The following USH1C variants were observed in gnomAD, a reference collection of about 807,000 sequenced individuals.
The protein encoded by USH1C is harmonin.
In USH1C, 90 loss-of-function variants were observed where a neutral mutation model predicts 119.3. The observed-to-expected ratio is 0.75, with a 90% CI of 0.64 to 0.90. The LOEUF is 0.90. Among genes scored for constraint, USH1C ranks in the 40% least tolerant of loss-of-function variants. The probability of loss-of-function intolerance (pLI) is 0.00; values close to 1 mark genes in which losing one functional copy is unlikely to be tolerated. For missense variants in USH1C, 1,165 were observed against 1,167.7 expected, an observed-to-expected ratio of 1.00 and a Z score of 0.03; for synonymous variants, 465 against 443.3, an observed-to-expected ratio of 1.05 and a Z score of -0.62.
intron 26 of USH1C, 93 bp from the exon 27 acceptor site, chr11:17,494,469 A>C (rs1379772164): frequency 1.4e-6 from 2 of 1,426,090 alleles, no homozygotes; most frequent in African/African-American, 2.8e-5. Context: ...GGGAGTACCC[A>C]CTCTGGCAGC....
intron 23 of USH1C, 132 bp downstream of exon 23, chr11:17,500,919 A>AT: frequency 1.3e-6 from 1 of 770,604 alleles, no homozygotes; most frequent in Non-Finnish European, 2.2e-6. Context: ...AGTCGGATGG[A>AT]TGGACCCGAG....
chr11:17,499,645 G>T (rs547972412), intron 23 of USH1C, among the ~76,000 whole-genome samples: 1 of 152,340 alleles, frequency 6.6e-6, no homozygotes, highest in Non-Finnish European at 1.5e-5. Flanking sequence ...GCACTGATGG[G>T]CTGGGGCAGC....
intron 8 of USH1C, among the ~76,000 whole-genome samples, chr11:17,525,897 C>A (rs1850645476): frequency 6.6e-6 from 1 of 152,184 alleles, no homozygotes; most frequent in South Asian, 2.1e-4. Flanking sequence ...GGAAATCAGG[C>A]ACCAAGAAGT....
rs78652734 is a variant in USH1C, at chr11:17,542,003, A to G, written c.36+2269T>C. Reference sequence around the variant, plus strand: ...CTGCTAACTCCAGATAATAATCAACATGGACATTTCTTGAGAGCTCCCTAA... The same window carrying G: ...CTGCTAACTCCAGATAATAATCAACGTGGACATTTCTTGAGAGCTCCCTAA... On this transcript the variant is annotated intron_variant, in intron 1 of 26. Coordinates refer to ENST00000005226, the MANE Select transcript of USH1C (RefSeq NM_153676.4). Among the ~76,000 whole-genome samples the G allele has an allele frequency of 5.3e-3, 811 of 152,242 alleles. 8 individuals are homozygous for G. The highest frequency in any genetic ancestry group is 0.018 in the African/African-American group (747 of 41,548).
Position 17,510,671 on chromosome 11 carries a change from C to A in USH1C, c.1414-150G>T, listed in dbSNP as rs1849849933. The A allele has an allele frequency of 4.3e-6, 3 of 702,690 alleles. No individual in the cohort carries two copies. In the South Asian group the frequency reaches 4.6e-5, roughly 11 times the overall value. The allele number at this position is 702,690 out of a possible 1,614,324, so 43.5% of individuals were successfully genotyped here. The stretch of plus-strand genomic sequence containing the variant: ...AGAAAGAGACCTGGGCTTGTTCCAA[C>A]TGGCCCTCAAGGAGGCAGCAGCAAG... On this transcript the variant is annotated intron_variant, in intron 16 of 26. Coordinates refer to ENST00000005226, the MANE Select transcript of USH1C (RefSeq NM_153676.4).
intron 1 of USH1C, among the ~76,000 whole-genome samples, chr11:17,543,099 T>A (rs1359016674): frequency 1.3e-5 from 2 of 152,182 alleles, no homozygotes; most frequent in African/African-American, 2.4e-5. Flanking sequence ...ACAGACTGGG[T>A]ATGGCTGAGA....
At position 17,496,818 on chromosome 11, in the gene USH1C, G is replaced by A. The variant is rs778639497; in HGVS notation, c.2491-5C>T. On this transcript the variant is annotated splice_region_variant and splice_polypyrimidine_tract_variant and intron_variant, in intron 24 of 26. Coordinates refer to ENST00000005226, the MANE Select transcript of USH1C (RefSeq NM_153676.4). The stretch of plus-strand genomic sequence containing the variant: ...AACCACAAGGTCGATCCAGTCCTGT[G>A]GGGAGAAGCCGTGTGACTCTGGGGC... 1 of 1,614,016 alleles carries A rather than the reference G, an allele frequency of 6.2e-7. No homozygotes were observed. The highest frequency in any genetic ancestry group is 1.3e-5 in the African/African-American group (1 of 74,938).
At chr11:17,511,524 G>A (rs1337852923) in intron 16 of USH1C, among the ~76,000 whole-genome samples, 1 of 152,140 alleles carries the variant, frequency 6.6e-6, no homozygotes, top group African/African-American at 2.4e-5. Flanking sequence ...CTCTGGTGGG[G>A]TAGAGTGAAG....
intron 14 of USH1C, among the ~76,000 whole-genome samples, chr11:17,519,925 C>G (rs1850338626): frequency 6.6e-6 from 1 of 152,142 alleles, no homozygotes. Context: ...CAGACCCCAT[C>G]ACAACATGCC....
At chr11:17,504,296 C>T (rs896898976) in intron 20 of USH1C, among the ~76,000 whole-genome samples, 1 of 152,190 alleles carries the variant, frequency 6.6e-6, no homozygotes, top group African/African-American at 2.4e-5. Flanking sequence ...CAGCCCCTTC[C>T]CTCTCTCCTA....
At chr11:17,528,883 C>G (rs1850833924) in intron 4 of USH1C, among the ~76,000 whole-genome samples, 1 of 152,228 alleles carries the variant, frequency 6.6e-6, no homozygotes, top group Non-Finnish European at 1.5e-5. Flanking sequence ...CTCCTTCCAC[C>G]TATTTTTCAC....
In USH1C at chr11:17,494,164, G is replaced by T; in HGVS notation, c.*168C>A. On this transcript the variant is annotated 3_prime_UTR_variant, in exon 27 of 27. Coordinates refer to ENST00000005226, the MANE Select transcript of USH1C (RefSeq NM_153676.4). ...CCTCCACGTTGGCCTTCAGAAGAGT[G>T]GCCCGAGCTGTTCCTTATCTGGCCC... 2.5e-6 allele frequency: 2 copies of T among 811,638 alleles called. No homozygotes were observed. The highest frequency in any genetic ancestry group is 1.5e-5 in the South Asian group (1 of 66,018). 50.3% of individuals were successfully genotyped at this position (811,638 alleles called of 1,614,324 possible). A position where few individuals can be genotyped will look rare whatever the true frequency, so the allele number is the denominator to read the frequency against.
chr11:17,507,627 A>T (rs896511679), intron 18 of USH1C, among the ~76,000 whole-genome samples: 3 of 152,192 alleles, frequency 2.0e-5, no homozygotes, highest in African/African-American at 7.2e-5. Flanking sequence ...AACTTATTTG[A>T]TTCGAATAGG....
chr11:17,509,652 G>A lies in USH1C; in HGVS notation c.1717C>T (p.Pro573Ser). The A allele has an allele frequency of 6.3e-7, 1 of 1,593,464 alleles. No homozygotes were observed. Among genetic ancestry groups the A allele is most frequent in the Middle Eastern group, 1.7e-4 (1 of 6,022 alleles). ...VMPHPPPSNPPHKVPAPPVLP... is the reference protein window; with the variant it reads ...VMPHPPPSNPSHKVPAPPVLP... ...ACAGGGGGCGCCGGGACCTTGTGGG[G>A]TGGGTTGGAGGGTGGAGGGTGGGGC... Residue 573 changes from proline to serine, a missense_variant, in exon 18 of 27, where the codon CCC becomes TCC. Transcript: ENST00000005226.
At chr11:17,498,948 T>C (rs766319881) in intron 23 of USH1C, among the ~76,000 whole-genome samples, 3 of 152,236 alleles carry the variant, frequency 2.0e-5, no homozygotes, top group African/African-American at 7.2e-5. Flanking sequence ...TGACACAAAA[T>C]AGGACCTCAG....
At chr11:17,502,730 G>A (rs1301393468) in intron 20 of USH1C, among the ~76,000 whole-genome samples, 2 of 152,196 alleles carry the variant, frequency 1.3e-5, no homozygotes, top group Admixed American at 6.5e-5. Context: ...GGTGGCACCT[G>A]AACACACAGT....
intron 23 of USH1C, among the ~76,000 whole-genome samples, chr11:17,500,707 G>C (rs1849401733): frequency 6.6e-6 from 1 of 152,110 alleles, no homozygotes; most frequent in Non-Finnish European, 1.5e-5. Context: ...TGGGTTAGAG[G>C]CCCCTCAGGG....
chr11:17,534,589 C>G (rs950385728), intron 1 of USH1C, among the ~76,000 whole-genome samples: 1 of 152,166 alleles, frequency 6.6e-6, no homozygotes, highest in Non-Finnish European at 1.5e-5. Flanking sequence ...GAGTTCCCAG[C>G]TAGGGCTGGG....
In USH1C at chr11:17,533,772, C is replaced by T. The variant is rs78998926; in HGVS notation, c.37-450G>A. On this transcript the variant is annotated intron_variant, in intron 1 of 26. Transcript: ENST00000005226. ...GCTTTCAGGAAGGATTTGGGCCACT[C>T]GCTTAGATAGCACATGCCACTCTCC... 1,119 of 459,046 alleles carry T rather than the reference C, an allele frequency of 2.4e-3. 11 individuals are homozygous for T. The highest frequency in any genetic ancestry group is 0.018 in the African/African-American group (917 of 50,304). The allele number at this position is 459,046 out of a possible 1,614,324, so 28.4% of individuals were successfully genotyped here.
Sources: gnomAD v4.1 joint callset for allele counts (sites outside exome capture counted in the v4.1 genomes callset) on GRCh38, gnomAD v4.1.1 for gene constraint, MANE v1.5 for transcripts, NCBI Gene and HGNC (gene_info 2026-07-23, HGNC 2026-07-21) for gene names.